NDRG2: variants seen among roughly 807,000 people sequenced by gnomAD.
The protein encoded by NDRG2 is protein NDRG2.
A neutral mutation model predicts 58.2 loss-of-function variants in NDRG2; 34 were observed. The ratio of observed to expected loss-of-function variants is 0.58; its 90% CI spans 0.44 to 0.78. The LOEUF is 0.78. Among genes scored for constraint, NDRG2 ranks in the 30% least tolerant of loss-of-function variants. The pLI is 0.00. For synonymous variants in NDRG2, 187 were observed against 175.9 expected, an observed-to-expected ratio of 1.06 and a Z score of -0.50; for missense variants, 434 against 471.2, an observed-to-expected ratio of 0.92 and a Z score of 0.73.
In NDRG2 at chr14:21,021,124, C is replaced by A. The variant is rs577935817; in HGVS notation, c.408-280G>T. ...CACCAGCCAACCAACACACTGTTTT[C>A]CCATATAGATAGCTCTTTGTCCATT... On this transcript the variant is annotated intron_variant, in intron 6 of 15. Coordinates refer to ENST00000556147, the MANE Select transcript of NDRG2 (RefSeq NM_001320329.2). 35 of 599,670 alleles carry A rather than the reference C, an allele frequency of 5.8e-5. No individual in the cohort carries two copies. The Middle Eastern group carries it at 1.0e-3, about 18-fold the overall frequency. 37.1% of individuals were successfully genotyped at this position (599,670 alleles called of 1,614,324 possible).
At chr14:21,062,746 T>TGTGTGTGTGTGTGTGTGTGTGTGTGTGTG (rs59127364) in intron 1 of NDRG2, among the ~76,000 whole-genome samples, 2 of 148,344 alleles carry the variant, frequency 1.3e-5, no homozygotes, top group East Asian at 2.0e-4. Context: ...TGTGTGTGTG[T>TGTGTGTGTGTGTGTGTGTGTGTGTGTGTG]TTTGTTATTT....
chr14:21,063,136 G>C (rs1379014093), intron 1 of NDRG2, among the ~76,000 whole-genome samples: 1 of 151,734 alleles, frequency 6.6e-6, no homozygotes, highest in African/African-American at 2.4e-5. Context: ...TCTCAAAAAG[G>C]AAACAAAAGC....
chr14:21,018,385 C>T, intron 13 of NDRG2, 72 bp downstream of exon 13: 1 of 1,609,004 alleles, frequency 6.2e-7, no homozygotes, highest in Non-Finnish European at 8.5e-7. Context: ...CATGCCGGGC[C>T]CTGGAGGCTT....
intron 3 of NDRG2, 174 bp from the exon 4 acceptor site, chr14:21,022,671 G>A: frequency 1.5e-6 from 1 of 667,602 alleles, no homozygotes; most frequent in Non-Finnish European, 2.6e-6. Flanking sequence ...TGAGTTTGAG[G>A]ATAAGAAAGA....
chr14:21,030,440 G>A (rs1883994588), upstream of NDRG2: 4 of 826,106 alleles, frequency 4.8e-6, no homozygotes, highest in African/African-American at 3.4e-5. Flanking sequence ...AAAGGAGAGA[G>A]CAACAGGGAA....
intron 1 of NDRG2, among the ~76,000 whole-genome samples, chr14:21,069,535 C>G (rs890283272): frequency 1.3e-5 from 2 of 152,222 alleles, no homozygotes; most frequent in African/African-American, 4.8e-5. Context: ...AAATGCACGC[C>G]CCTACATAAG....
Position 21,017,619 on chromosome 14 carries a change from GC to G in NDRG2, c.1092del (p.His365ThrfsTer14). 6.2e-7 allele frequency: 1 copy of G among 1,613,736 alleles called. No homozygotes were observed. Among genetic ancestry groups the G allele is most frequent in the East Asian group, 2.2e-5 (1 of 44,860 alleles). On this transcript the variant is annotated frameshift_variant, in exon 16 of 16. Transcript: ENST00000556147. LOFTEE classifies it high-confidence loss of function. ...ESGTLSSGPP[G>X]HTMEVSC ...ATTCAACAGGAGACCTCCATGGTGT[GC>G]CCCGGGGGCCCCGAAGAAAGAGTTC...
At chr14:21,019,820 C>T in intron 9 of NDRG2, 78 bp from the exon 10 acceptor site, 1 of 1,519,278 alleles carries the variant, frequency 6.6e-7, no homozygotes, top group Admixed American at 1.7e-5. Context: ...GGTAAGCCTT[C>T]TTCCTTCCCC....
chr14:21,064,999 C>T (rs1389203920), intron 1 of NDRG2, among the ~76,000 whole-genome samples: 1 of 152,088 alleles, frequency 6.6e-6, no homozygotes, highest in Non-Finnish European at 1.5e-5. Context: ...GCTGAAACCA[C>T]ATTTCTACTA....
intron 6 of NDRG2, 198 bp from the exon 7 acceptor site, chr14:21,021,042 G>C (rs761023552): frequency 7.3e-6 from 5 of 687,190 alleles, no homozygotes; most frequent in Non-Finnish European, 1.3e-5. Context: ...GTAGATACCT[G>C]AAGTCTATCC....
intron 1 of NDRG2, among the ~76,000 whole-genome samples, chr14:21,054,901 C>T (rs992816552): frequency 2.0e-5 from 3 of 152,168 alleles, no homozygotes; most frequent in East Asian, 3.9e-4. Context: ...ATTTTAGATG[C>T]TAATTAAATG....
At chr14:21,030,460 TG>T, upstream of NDRG2, 1 of 1,000,030 alleles carries the variant, frequency 1.0e-6, no homozygotes, top group Non-Finnish European at 1.5e-6. Flanking sequence ...AGAGGGGAGC[TG>T]TTCCTGTTGC....
In NDRG2 at chr14:21,057,867, C is replaced by G. The variant is rs746317842; in HGVS notation, c.24+12961G>C. 9 of 1,598,246 alleles carry G rather than the reference C, an allele frequency of 5.6e-6. No individual in the cohort carries two copies. The South Asian group carries it at 8.9e-5, about 16-fold the overall frequency. ...CTATTCATCCACCTACCTCCTCACT[C>G]TGTTCCACTGTCTCCCTTAAGAGAG... On this transcript the variant is annotated intron_variant, in intron 1 of 14. Transcript: ENST00000403829.
At chr14:21,031,860 G>A (rs1477056255) in intron 1 of NDRG2, 2 of 1,604,940 alleles carry the variant, frequency 1.2e-6, no homozygotes, top group African/African-American at 2.7e-5. Flanking sequence ...GTAAGGAAAG[G>A]AAGAGAGCTC....
At chr14:21,050,202 A>T (rs901329483) in intron 1 of NDRG2, among the ~76,000 whole-genome samples, 2 of 152,194 alleles carry the variant, frequency 1.3e-5, no homozygotes, top group Non-Finnish European at 2.9e-5. Context: ...GACACGTTGC[A>T]TTTCTGACCT....
At chr14:21,057,901 G>A (rs765831124) in intron 1 of NDRG2, 22 of 1,613,484 alleles carry the variant, frequency 1.4e-5, no homozygotes, top group South Asian at 6.6e-5. Context: ...AGATGGCACC[G>A]GCCAGAGCAG....
At chr14:21,062,277 A>T (rs1334496443) in intron 1 of NDRG2, among the ~76,000 whole-genome samples, 11 of 152,206 alleles carry the variant, frequency 7.2e-5, no homozygotes, top group Admixed American at 7.2e-4. Context: ...GGCTTTGGTG[A>T]TTATATTTTC....
Position 21,070,724 on chromosome 14 carries a change from C to T in NDRG2, c.24+104G>A. Reference sequence around the variant, plus strand: ...CCTGTGCCTTCCTTTCCTGGAGCTTCCCTCCCCCTCCTGGTCCGAGCTCCT... The same window carrying T: ...CCTGTGCCTTCCTTTCCTGGAGCTTTCCTCCCCCTCCTGGTCCGAGCTCCT... On this transcript the variant is annotated intron_variant, in intron 1 of 14. Transcript: ENST00000403829. The surrounding 1 kb of genome is among the most constrained non-coding windows in gnomAD (Gnocchi z 4.7). 7.7e-7 allele frequency: 1 copy of T among 1,303,252 alleles called. No individual in the cohort carries two copies. Among genetic ancestry groups the T allele is most frequent in the East Asian group, 2.5e-5 (1 of 39,560 alleles). 80.7% of individuals were successfully genotyped at this position (1,303,252 alleles called of 1,614,324 possible). A position where few individuals can be genotyped will look rare whatever the true frequency, so the allele number is the denominator to read the frequency against.
In NDRG2 at chr14:21,043,162, A is replaced by T. The variant is rs764108269; in HGVS notation, c.25-19841T>A. 8 of 1,614,034 alleles carry T rather than the reference A, an allele frequency of 5.0e-6. No individual in the cohort carries two copies. In the African/African-American group the frequency reaches 1.1e-4, roughly 22 times the overall value. ...CAAGCATGCAACTCAGCCATGAAAA[A>T]CATTAACAAGCACACAAAACGGTGC... is the stretch of plus-strand genomic sequence containing the variant. On this transcript the variant is annotated intron_variant, in intron 1 of 14. Transcript: ENST00000403829.
Sources: allele counts gnomAD v4.1 joint callset (sites outside exome capture counted in the v4.1 genomes callset), GRCh38; gene constraint gnomAD v4.1.1; non-coding constraint Gnocchi (gnomAD v3.1); transcripts MANE v1.5; gene names NCBI Gene and HGNC (gene_info 2026-07-23, HGNC 2026-07-21).